CORO2A: variants seen among roughly 807,000 people sequenced by gnomAD.
CORO2A encodes coronin 2A.
Under a neutral mutation model 62.4 loss-of-function variants are expected in CORO2A, and 47 were observed. That is an observed-to-expected ratio of 0.75 (90% CI 0.60 to 0.96). The LOEUF (loss-of-function observed/expected upper bound fraction) is 0.96, where lower values mean the gene tolerates loss of function less well. CORO2A is among the 40% of genes least tolerant of loss of function. The pLI is 0.00. For synonymous variants in CORO2A, 273 were observed against 268.9 expected, an observed-to-expected ratio of 1.02 and a Z score of -0.15; for missense variants, 610 against 684.1, an observed-to-expected ratio of 0.89 and a Z score of 1.21.
At chr9:98,185,542 G>C (rs1588017405) in intron 1 of CORO2A, among the ~76,000 whole-genome samples, 1 of 152,176 alleles carries the variant, frequency 6.6e-6, no homozygotes, top group Non-Finnish European at 1.5e-5. Flanking sequence ...ACCATTGCTG[G>C]AGGCTCGTAT....
chr9:98,161,101 G>C (rs183343150), intron 1 of CORO2A, among the ~76,000 whole-genome samples: 1 of 152,208 alleles, frequency 6.6e-6, no homozygotes, highest in Non-Finnish European at 1.5e-5. Context: ...TGTCATGGAG[G>C]ACAGCGACCC....
intron 1 of CORO2A, among the ~76,000 whole-genome samples, chr9:98,183,823 T>C (rs1193858286): frequency 6.6e-6 from 1 of 152,064 alleles, no homozygotes; most frequent in African/African-American, 2.4e-5. Flanking sequence ...TAGCTGGGTG[T>C]GGTAGTGCAT....
chr9:98,169,289 C>T (rs1315863882), intron 1 of CORO2A, among the ~76,000 whole-genome samples: 1 of 152,196 alleles, frequency 6.6e-6, no homozygotes, highest in African/African-American at 2.4e-5. Flanking sequence ...GAGAGCAAAC[C>T]AAGACAAGGC....
intron 3 of CORO2A, among the ~76,000 whole-genome samples, chr9:98,136,076 T>C (rs1827483034): frequency 1.3e-5 from 2 of 152,192 alleles, no homozygotes; most frequent in Non-Finnish European, 2.9e-5. Context: ...CCTTCCTTCT[T>C]CAGTCCCCCA....
chr9:98,143,154 C>G (rs1587997946), intron 2 of CORO2A, among the ~76,000 whole-genome samples: 1 of 152,250 alleles, frequency 6.6e-6, no homozygotes, highest in South Asian at 2.1e-4. Flanking sequence ...CTTGGGCCGC[C>G]CTGCCTGGAG....
chr9:98,180,922 G>T (rs1218070779), intron 1 of CORO2A, among the ~76,000 whole-genome samples: 2 of 152,202 alleles, frequency 1.3e-5, no homozygotes, highest in East Asian at 1.9e-4. Flanking sequence ...GGATGGTGTG[G>T]GGGCCATGTG....
intron 1 of CORO2A, among the ~76,000 whole-genome samples, chr9:98,170,164 T>G (rs2118907367): frequency 6.6e-6 from 1 of 152,330 alleles, no homozygotes; most frequent in East Asian, 1.9e-4. Context: ...GAAGCGCCCC[T>G]CGTCTCCTTT....
chr9:98,181,218 T>C (rs1182273152), intron 1 of CORO2A, among the ~76,000 whole-genome samples: 1 of 144,872 alleles, frequency 6.9e-6, no homozygotes, highest in Non-Finnish European at 1.5e-5. Flanking sequence ...AGAAGGGCAC[T>C]GCCGGAAAAG....
At chr9:98,124,999 G>C in intron 11 of CORO2A, 94 bp from the exon 12 acceptor site, 1 of 1,448,974 alleles carries the variant, frequency 6.9e-7, no homozygotes, top group South Asian at 1.4e-5. Context: ...GAAAGGTGGA[G>C]GCGGTCACAT....
At chr9:98,141,398 C>T (rs990607940) in intron 2 of CORO2A, among the ~76,000 whole-genome samples, 7 of 146,902 alleles carry the variant, frequency 4.8e-5, no homozygotes, top group Non-Finnish European at 1.5e-5. Context: ...GTTGCTCAGG[C>T]TGGGGTGCAG....
intron 2 of CORO2A, among the ~76,000 whole-genome samples, chr9:98,155,254 G>A (rs189063835): frequency 6.6e-6 from 1 of 151,688 alleles, no homozygotes; most frequent in East Asian, 1.9e-4. Context: ...CAAGAAATGA[G>A]TCTTTTGTCA....
At chr9:98,177,395 G>A (rs904592275) in intron 1 of CORO2A, among the ~76,000 whole-genome samples, 5 of 151,630 alleles carry the variant, frequency 3.3e-5, no homozygotes, top group Admixed American at 2.6e-4. Flanking sequence ...ACGTGGTGGC[G>A]TGTTAGAGGT....
intron 1 of CORO2A, among the ~76,000 whole-genome samples, chr9:98,177,745 G>GAA (rs58780438): frequency 8.2e-5 from 11 of 133,742 alleles, no homozygotes; most frequent in Admixed American, 3.0e-4. Context: ...CCTTCCACAA[G>GAA]AAAAAAAAAA....
intron 1 of CORO2A, among the ~76,000 whole-genome samples, chr9:98,158,836 AACACACAC>A (rs34090994): frequency 6.7e-6 from 1 of 149,254 alleles, no homozygotes; most frequent in East Asian, 2.0e-4. Context: ...AAAAGAAGAA[AACACACAC>A]ACACACACAC....
At chr9:98,186,169 G>A (rs1828236718) in intron 1 of CORO2A, among the ~76,000 whole-genome samples, 1 of 152,198 alleles carries the variant, frequency 6.6e-6, no homozygotes, top group African/African-American at 2.4e-5. Context: ...TTATTTGAAT[G>A]AGACTTCACC....
intron 2 of CORO2A, among the ~76,000 whole-genome samples, chr9:98,141,420 C>T (rs549261401): frequency 4.6e-5 from 7 of 151,418 alleles, no homozygotes; most frequent in African/African-American, 7.3e-5. Flanking sequence ...GGTGCGATCC[C>T]GGATCACTGC....
intron 1 of CORO2A, among the ~76,000 whole-genome samples, chr9:98,166,665 G>T (rs1269504056): frequency 6.6e-6 from 1 of 152,128 alleles, no homozygotes; most frequent in Non-Finnish European, 1.5e-5. Flanking sequence ...TCCACTTCTG[G>T]AATATACACC....
chr9:98,125,018 CT>C lies in CORO2A; in HGVS notation c.1447-114del, dbSNP rs1827298221. On this transcript the variant is annotated intron_variant, in intron 11 of 11. Transcript: ENST00000375077. Reference sequence around the variant, plus strand: ...GGTGGAGGCGGTCACATTAACATGGCTGAGGCCTGATGGGGCTGTCACTGCA... The same window carrying C: ...GGTGGAGGCGGTCACATTAACATGGCGAGGCCTGATGGGGCTGTCACTGCA... The C allele has an allele frequency of 3.3e-6, 4 of 1,227,082 alleles. No homozygotes were observed. In the East Asian group the frequency reaches 1.0e-4, roughly 32 times the overall value. 76.0% of individuals were successfully genotyped at this position (1,227,082 alleles called of 1,614,324 possible).
At chr9:98,188,247 A>T (rs1828262612) in intron 1 of CORO2A, among the ~76,000 whole-genome samples, 1 of 151,862 alleles carries the variant, frequency 6.6e-6, no homozygotes, top group Admixed American at 6.6e-5. Flanking sequence ...TGAGGCCCCC[A>T]GCCCACCCTA....
Sources: gnomAD v4.1 joint callset for allele counts (sites outside exome capture counted in the v4.1 genomes callset) on GRCh38, gnomAD v4.1.1 for gene constraint, MANE v1.5 for transcripts, NCBI Gene and HGNC (gene_info 2026-07-23, HGNC 2026-07-21) for gene names.